The following CRACD variants were observed in gnomAD, a reference collection of about 807,000 sequenced individuals.
The protein encoded by CRACD is capping protein inhibiting regulator of actin dynamics.
CRACD carries 56 observed loss-of-function variants against 106.8 expected under a neutral mutation model. The ratio of observed to expected loss-of-function variants is 0.52; its 90% CI spans 0.42 to 0.66. The LOEUF is 0.66. Ranked by LOEUF, CRACD falls within the 30% of genes least tolerant of loss-of-function variation. CRACD has a pLI of 0.00. For missense variants in CRACD, 1,730 were observed against 1,623.2 expected, an observed-to-expected ratio of 1.07 and a Z score of -1.13; for synonymous variants, 754 against 670.8, an observed-to-expected ratio of 1.12 and a Z score of -1.92.
chr4:56,320,166 T>C, intron 8 of CRACD, among the ~76,000 whole-genome samples: 1 of 151,814 alleles, frequency 6.6e-6, no homozygotes, highest in Non-Finnish European at 1.5e-5. Flanking sequence ...AACAAACCTT[T>C]CATTACACCT....
At position 56,060,444 on chromosome 4, in the gene CRACD, G is replaced by A. The variant is rs546456444; in HGVS notation, c.-336+11145G>A. 6.6e-5 allele frequency among the ~76,000 whole-genome samples: 10 copies of A among 152,234 alleles called. No individual in the cohort carries two copies. The East Asian group carries it at 1.9e-3, about 29-fold the overall frequency. The stretch of plus-strand genomic sequence containing the variant: ...GAAGCTCACAGAGGAAGTGATATCT[G>A]AGCTGGGTCTTGGAGAAGGAGTAGA... On this transcript the variant is annotated intron_variant, in intron 1 of 10. Coordinates refer to ENST00000682029, the MANE Select transcript of CRACD (RefSeq NM_001393381.1).
At chr4:56,081,594 A>G (rs894080248) in intron 1 of CRACD, among the ~76,000 whole-genome samples, 1 of 152,214 alleles carries the variant, frequency 6.6e-6, no homozygotes, top group Non-Finnish European at 1.5e-5. Flanking sequence ...TGGGATTTTC[A>G]TTCAACCATT....
At chr4:56,264,349 C>CT (rs1741877815) in intron 2 of CRACD, among the ~76,000 whole-genome samples, 1 of 152,056 alleles carries the variant, frequency 6.6e-6, no homozygotes, top group Admixed American at 6.5e-5. Flanking sequence ...CCTTATAATC[C>CT]TTAAAAAAAA....
intron 2 of CRACD, among the ~76,000 whole-genome samples, chr4:56,231,660 C>T (rs922554689): frequency 6.6e-6 from 1 of 152,182 alleles, no homozygotes; most frequent in Non-Finnish European, 1.5e-5. Flanking sequence ...AATGAGCAGT[C>T]CACAAGCCAG....
chr4:56,180,947 C>G (rs1736796009), intron 2 of CRACD, among the ~76,000 whole-genome samples: 1 of 152,034 alleles, frequency 6.6e-6, no homozygotes, highest in Non-Finnish European at 1.5e-5. Flanking sequence ...TTACAGTGAG[C>G]ACATACGGCT....
chr4:56,233,307 C>T (rs1037516552), intron 2 of CRACD, among the ~76,000 whole-genome samples: 4 of 151,820 alleles, frequency 2.6e-5, no homozygotes, highest in South Asian at 2.1e-4. Flanking sequence ...GAGACAGGGC[C>T]TTGCTATATT....
intron 1 of CRACD, among the ~76,000 whole-genome samples, chr4:56,127,083 T>A (rs773731427): frequency 2.6e-5 from 4 of 152,160 alleles, no homozygotes; most frequent in Non-Finnish European, 4.4e-5. Flanking sequence ...ATGAGTAGGT[T>A]AGGTGCTCTT....
intron 4 of CRACD, chr4:56,301,319 G>C: frequency 9.5e-7 from 1 of 1,057,268 alleles, no homozygotes; most frequent in Non-Finnish European, 1.3e-6. Flanking sequence ...ACAACGTGAT[G>C]CTGGTATTGA....
intron 3 of CRACD, among the ~76,000 whole-genome samples, chr4:56,284,028 A>G (rs1373829788): frequency 6.6e-6 from 1 of 152,146 alleles, no homozygotes; most frequent in African/African-American, 2.4e-5. Flanking sequence ...CCTCCTGGAA[A>G]ACAGCCATGA....
intron 1 of CRACD, among the ~76,000 whole-genome samples, chr4:56,153,936 T>A (rs1035195531): frequency 1.9e-4 from 29 of 152,226 alleles, no homozygotes; most frequent in African/African-American, 6.5e-4. Context: ...TACCTCGTTA[T>A]TCACTATCAA....
chr4:56,171,383 C>T (rs1736356612), intron 1 of CRACD, among the ~76,000 whole-genome samples: 1 of 152,050 alleles, frequency 6.6e-6, no homozygotes, highest in Admixed American at 6.6e-5. Flanking sequence ...GACACAGTAT[C>T]GAAGAAACTA....
At chr4:56,246,040 C>A (rs1207291942) in intron 2 of CRACD, among the ~76,000 whole-genome samples, 1 of 152,128 alleles carries the variant, frequency 6.6e-6, no homozygotes, top group Non-Finnish European at 1.5e-5. Flanking sequence ...GGAGGATGGG[C>A]AGGAGGCATT....
At chr4:56,279,594 A>C (rs956102986) in intron 3 of CRACD, among the ~76,000 whole-genome samples, 1 of 152,218 alleles carries the variant, frequency 6.6e-6, no homozygotes, top group South Asian at 2.1e-4. Flanking sequence ...CCACAATGAG[A>C]TACCATCTCA....
chr4:56,226,123 C>CAAT (rs1739286990), intron 2 of CRACD, among the ~76,000 whole-genome samples: 1 of 122,688 alleles, frequency 8.2e-6, no homozygotes, highest in African/African-American at 3.5e-5. Context: ...CATTGGGTCA[C>CAAT]GTTGGGTTTT....
intron 1 of CRACD, among the ~76,000 whole-genome samples, chr4:56,163,458 A>C (rs182499167): frequency 1.5e-4 from 23 of 152,340 alleles, no homozygotes; most frequent in African/African-American, 4.6e-4. Context: ...AAAGGAAATG[A>C]GTAAATAAAC....
At chr4:56,049,472 C>T (rs1368976822) in intron 1 of CRACD, among the ~76,000 whole-genome samples, 173 bp downstream of exon 1, 1 of 151,998 alleles carries the variant, frequency 6.6e-6, no homozygotes, top group Non-Finnish European at 1.5e-5. Flanking sequence ...GGGCGGTGTC[C>T]CCATGTGGGA....
intron 2 of CRACD, among the ~76,000 whole-genome samples, chr4:56,263,129 C>T (rs758625212): frequency 2.0e-5 from 3 of 152,158 alleles, no homozygotes; most frequent in Non-Finnish European, 4.4e-5. Flanking sequence ...TATGCACAAG[C>T]AGAGAACAGA....
At chr4:56,178,408 T>C (rs1220980870) in intron 1 of CRACD, among the ~76,000 whole-genome samples, 2 of 152,232 alleles carry the variant, frequency 1.3e-5, no homozygotes, top group African/African-American at 4.8e-5. Context: ...CTGACTTGCC[T>C]CAATTTTATT....
intron 1 of CRACD, among the ~76,000 whole-genome samples, chr4:56,076,745 A>G (rs1479261280): frequency 1.3e-5 from 2 of 152,152 alleles, no homozygotes; most frequent in Non-Finnish European, 2.9e-5. Context: ...AGTGCCAGCC[A>G]TACTGCACTG....
Sources: allele counts gnomAD v4.1 joint callset (sites outside exome capture counted in the v4.1 genomes callset), GRCh38; gene constraint gnomAD v4.1.1; transcripts MANE v1.5; gene names NCBI Gene and HGNC (gene_info 2026-07-23, HGNC 2026-07-21).